Variants in DPP10 observed in about 807,000 individuals in gnomAD.
DPP10 encodes dipeptidyl peptidase like 10.
A neutral mutation model predicts 120.9 loss-of-function variants in DPP10; 33 were observed. That is an observed-to-expected ratio of 0.27 (90% CI 0.21 to 0.37). The LOEUF (loss-of-function observed/expected upper bound fraction) is 0.37, where lower values mean the gene tolerates loss of function less well. Ranked by LOEUF, DPP10 falls within the 10% of genes least tolerant of loss-of-function variation. The pLI is 1.00. For missense variants in DPP10, 816 were observed against 942.8 expected (o/e 0.87, Z 1.76); for synonymous variants, 337 against 326.1 (o/e 1.03, Z -0.36).
chr2:115,204,185 C>T (rs900508606), intron 1 of DPP10, among the ~76,000 whole-genome samples: 1 of 152,116 alleles, frequency 6.6e-6, no homozygotes, highest in Non-Finnish European at 1.5e-5. Context: ...TTCTGATGTG[C>T]AGTTCTGCAA....
chr2:114,577,824 C>T (rs961439804), intron 1 of DPP10, among the ~76,000 whole-genome samples: 2 of 152,130 alleles, frequency 1.3e-5, no homozygotes, highest in East Asian at 3.8e-4. Flanking sequence ...GAAGCATCAC[C>T]CTGATCTCTT....
intron 1 of DPP10, among the ~76,000 whole-genome samples, chr2:114,884,169 C>A (rs1340994993): frequency 6.6e-6 from 1 of 152,098 alleles, no homozygotes; most frequent in African/African-American, 2.4e-5. Flanking sequence ...TTATACCTAG[C>A]ACTAGGTGAT....
At chr2:114,794,285 C>G (rs750544029) in intron 1 of DPP10, among the ~76,000 whole-genome samples, 1 of 152,174 alleles carries the variant, frequency 6.6e-6, no homozygotes, top group Non-Finnish European at 1.5e-5. Context: ...GCTTAGAGAA[C>G]TCATTGTTTC....
At chr2:115,458,787 G>A (rs1261619436) in intron 3 of DPP10, among the ~76,000 whole-genome samples, 4 of 152,128 alleles carry the variant, frequency 2.6e-5, no homozygotes, top group South Asian at 2.1e-4. Context: ...TACTTTGAAT[G>A]TACAGTGTAT....
At chr2:115,472,521 A>G (rs2074797851) in intron 3 of DPP10, among the ~76,000 whole-genome samples, 1 of 152,166 alleles carries the variant, frequency 6.6e-6, no homozygotes, top group Non-Finnish European at 1.5e-5. Flanking sequence ...TCCAGTGTAC[A>G]TTTTAAACTT....
chr2:114,872,249 T>C (rs1690745983), intron 1 of DPP10, among the ~76,000 whole-genome samples: 1 of 152,062 alleles, frequency 6.6e-6, no homozygotes. Flanking sequence ...AACACGTCCT[T>C]CTTCACATGG....
intron 5 of DPP10, among the ~76,000 whole-genome samples, chr2:115,669,845 C>T (rs1289511920): frequency 6.6e-6 from 1 of 152,148 alleles, no homozygotes; most frequent in Non-Finnish European, 1.5e-5. Context: ...CTTCTAAACA[C>T]ATTGACAAAG....
chr2:115,590,570 A>C (rs60630959), intron 5 of DPP10, among the ~76,000 whole-genome samples: 3 of 152,068 alleles, frequency 2.0e-5, no homozygotes, highest in Non-Finnish European at 4.4e-5. Flanking sequence ...TCTATCATTG[A>C]TGGACATTTG....
chr2:114,855,807 A>AT (rs953885443), intron 1 of DPP10, among the ~76,000 whole-genome samples: 1 of 152,186 alleles, frequency 6.6e-6, no homozygotes, highest in African/African-American at 2.4e-5. Context: ...TAGTTGCTTA[A>AT]TGGCTTATCT....
chr2:115,703,744 T>C (rs2091986246), intron 7 of DPP10, among the ~76,000 whole-genome samples: 1 of 152,010 alleles, frequency 6.6e-6, no homozygotes, highest in Non-Finnish European at 1.5e-5. Flanking sequence ...ACGTCTAGAC[T>C]AGTGTTTTAC....
At chr2:114,917,810 G>C (rs2106636094) in intron 1 of DPP10, among the ~76,000 whole-genome samples, 1 of 152,140 alleles carries the variant, frequency 6.6e-6, no homozygotes. Context: ...ATCAACTCAA[G>C]ATGGATTAAA....
intron 1 of DPP10, among the ~76,000 whole-genome samples, chr2:114,878,415 A>ATTTC (rs1316949480): frequency 6.6e-6 from 1 of 152,074 alleles, no homozygotes; most frequent in Non-Finnish European, 1.5e-5. Context: ...AACATTTATC[A>ATTTC]TTTCTTTGTG....
intron 1 of DPP10, among the ~76,000 whole-genome samples, chr2:115,181,375 G>C (rs1392812059): frequency 2.0e-5 from 3 of 152,140 alleles, no homozygotes; most frequent in Non-Finnish European, 4.4e-5. Flanking sequence ...AGTTCAGGTG[G>C]CTTGGTGGGC....
rs954814085 is a variant in DPP10 at position 115,281,559 on chromosome 2, C to T, written c.61-27680C>T. On this transcript the variant is annotated intron_variant, in intron 1 of 25. Transcript: ENST00000410059. ...GAGCTCACCAGAATTAGAATATGCCCGTAGGAGTAAACATAACTTCTCATT... is the reference window on the plus strand; with the variant it reads ...GAGCTCACCAGAATTAGAATATGCCTGTAGGAGTAAACATAACTTCTCATT... 5.3e-5 allele frequency among the ~76,000 whole-genome samples: 8 copies of T among 152,212 alleles called. No homozygotes were observed. The South Asian group carries it at 8.3e-4, about 16-fold the overall frequency.
intron 1 of DPP10, among the ~76,000 whole-genome samples, chr2:115,125,008 T>C (rs1465464050): frequency 6.6e-6 from 1 of 152,196 alleles, no homozygotes; most frequent in Non-Finnish European, 1.5e-5. Context: ...CATGCAGCTA[T>C]AAAAAGAGCC....
chr2:114,980,112 A>G (rs1390123620), intron 1 of DPP10, among the ~76,000 whole-genome samples: 1 of 152,114 alleles, frequency 6.6e-6, no homozygotes, highest in Non-Finnish European at 1.5e-5. Context: ...TTATCAATGT[A>G]TAACTGACAA....
Position 114,501,348 on chromosome 2 carries a change from A to G in DPP10, c.60+58510A>G, listed in dbSNP as rs180714702. Among the ~76,000 whole-genome samples, 391 of 152,308 alleles carry G rather than the reference A, an allele frequency of 2.6e-3. 1 individual carries two copies. Among genetic ancestry groups the G allele is most frequent in the African/African-American group, 9.1e-3 (380 of 41,568 alleles). On this transcript the variant is annotated intron_variant, in intron 1 of 25. Coordinates refer to ENST00000410059, the MANE Select transcript of DPP10 (RefSeq NM_020868.6). Reference sequence around the variant, plus strand: ...GTGCAATGAATACTAGTTGTTTATCATGTGATTATTAGTCTAATTCTTGCA... The same window carrying G: ...GTGCAATGAATACTAGTTGTTTATCGTGTGATTATTAGTCTAATTCTTGCA...
At chr2:115,235,848 A>G (rs547830196) in intron 1 of DPP10, among the ~76,000 whole-genome samples, 61 of 152,306 alleles carry the variant, frequency 4.0e-4, no homozygotes, top group African/African-American at 1.4e-3. Context: ...GACATGAGCC[A>G]CTGCGCAGCC....
chr2:114,634,176 A>G (rs896039662), intron 1 of DPP10, among the ~76,000 whole-genome samples: 1 of 151,942 alleles, frequency 6.6e-6, no homozygotes, highest in Non-Finnish European at 1.5e-5. Flanking sequence ...TGATAAAACC[A>G]TGCAGATTTT....
Sources: allele counts gnomAD v4.1 joint callset (sites outside exome capture counted in the v4.1 genomes callset), GRCh38; gene constraint gnomAD v4.1.1; transcripts MANE v1.5; gene names NCBI Gene and HGNC (gene_info 2026-07-23, HGNC 2026-07-21).